NEU3: variants seen among roughly 807,000 people sequenced by gnomAD.
The protein encoded by NEU3 is neuraminidase 3.
A neutral mutation model predicts 11.4 loss-of-function variants in NEU3; 10 were observed. The observed-to-expected ratio is 0.88, with a 90% CI of 0.54 to 1.49. The LOEUF (loss-of-function observed/expected upper bound fraction) is 1.49. Ranked by LOEUF, NEU3 falls within the 40% of genes most tolerant of loss-of-function variation. The probability of loss-of-function intolerance (pLI) is 0.00; values close to 1 mark genes in which losing one functional copy is unlikely to be tolerated. For synonymous variants in NEU3, 212 were observed against 228.2 expected, an observed-to-expected ratio of 0.93 and a Z score of 0.64; for missense variants, 529 against 581.8, an observed-to-expected ratio of 0.91 and a Z score of 0.93.
intron 1 of NEU3, among the ~76,000 whole-genome samples, chr11:74,989,467 G>GGTCTCCT (rs1424026190): frequency 6.6e-6 from 1 of 152,142 alleles, no homozygotes; most frequent in East Asian, 1.9e-4. Context: ...TAGGAGACCT[G>GGTCTCCT]GGTCTTGGTC....
At position 75,005,750 on chromosome 11, in the gene NEU3, A is replaced by G; in HGVS notation, c.644A>G (p.Tyr215Cys). The change falls in exon 3 of 3, where the codon TAC becomes TGC. Residue 215 changes from tyrosine (Y) to cysteine (C), a missense_variant. Transcript: ENST00000294064. ...GRLVIPAYTYYIPSWFFCFQL... is the reference protein window; with the variant it reads ...GRLVIPAYTYCIPSWFFCFQL... ...CTGGTCATCCCTGCGTATACCTACT[A>G]CATCCCTTCCTGGTTCTTTTGCTTC... The G allele has an allele frequency of 6.2e-7, 1 of 1,613,902 alleles. No homozygotes were observed. Among genetic ancestry groups the G allele is most frequent in the Non-Finnish European group, 8.5e-7 (1 of 1,179,798 alleles).
At chr11:74,981,721 G>A in the NEU3 span, among the ~76,000 whole-genome samples, 205 of 152,312 alleles carry the variant, frequency 1.3e-3, 1 homozygote, top group African/African-American at 4.8e-3. Context: ...ATTCACAGAT[G>A]TGAAAATTTT....
upstream of NEU3, among the ~76,000 whole-genome samples, chr11:74,983,727 A>G (rs1195549839): frequency 5.9e-5 from 9 of 152,178 alleles, no homozygotes; most frequent in Admixed American, 1.3e-4. Context: ...GTCAGCCTCA[A>G]TTCATTGGCC....
intron 2 of NEU3, among the ~76,000 whole-genome samples, chr11:74,995,760 T>C (rs1193952213): frequency 1.3e-5 from 2 of 151,362 alleles, no homozygotes; most frequent in East Asian, 3.9e-4. Context: ...TGCTGACTTA[T>C]CAGGGTGGTG....
Position 75,006,783 on chromosome 11 carries a change from G to A in NEU3, c.*291G>A, listed in dbSNP as rs183792751. ...GACCTCAGGTTTCCATCTGTAAAAT[G>A]AGAGTATTGGTTCTAAGATTTCTCA... On this transcript the variant is annotated 3_prime_UTR_variant, in exon 3 of 3. Coordinates refer to ENST00000294064, the MANE Select transcript of NEU3 (RefSeq NM_006656.6). 24 of 329,246 alleles carry A rather than the reference G, an allele frequency of 7.3e-5. No homozygotes were observed. The Admixed American group carries it at 9.1e-4, about 13-fold the overall frequency. 20.4% of individuals were successfully genotyped at this position (329,246 alleles called of 1,614,324 possible).
At chr11:74,989,983 T>C (rs1253604623) in intron 1 of NEU3, 1 of 702,340 alleles carries the variant, frequency 1.4e-6, no homozygotes, top group Non-Finnish European at 2.6e-6. Context: ...GTGTGAAACG[T>C]TTTGGGTGGC....
intron 1 of NEU3, among the ~76,000 whole-genome samples, chr11:74,990,551 G>A (rs963764848): frequency 3.3e-5 from 5 of 152,010 alleles, no homozygotes; most frequent in African/African-American, 1.2e-4. Context: ...GTAGAGATGG[G>A]GTGTCACCAT....
chr11:74,981,667 T>G, the NEU3 span, among the ~76,000 whole-genome samples: 4 of 152,176 alleles, frequency 2.6e-5, no homozygotes, highest in African/African-American at 9.7e-5. Context: ...GCAACATCCA[T>G]GAAAGCATCG....
chr11:74,994,496 T>G lies in NEU3; in HGVS notation c.95-13T>G. The G allele has an allele frequency of 6.3e-7, 1 of 1,590,124 alleles. No homozygotes were observed. The highest frequency in any genetic ancestry group is 8.6e-7 in the Non-Finnish European group (1 of 1,165,464). On this transcript the variant is annotated splice_polypyrimidine_tract_variant and intron_variant, in intron 1 of 2. Transcript: ENST00000294064. Reference sequence around the variant, plus strand: ...GGTATGGACACACATTAAGCTTCCTTCTATCCTTGCAGAGGTCATGGAAGA... The same window carrying G: ...GGTATGGACACACATTAAGCTTCCTGCTATCCTTGCAGAGGTCATGGAAGA...
chr11:74,987,315 G>T (rs529715027), upstream of NEU3, among the ~76,000 whole-genome samples: 1 of 152,180 alleles, frequency 6.6e-6, no homozygotes, highest in South Asian at 2.1e-4. Flanking sequence ...TCTTTTTGAT[G>T]TTCTAATTTT....
At chr11:75,011,615 C>T (rs546438138), downstream of NEU3, among the ~76,000 whole-genome samples, 106 of 152,276 alleles carry the variant, frequency 7.0e-4, 1 homozygote, top group African/African-American at 2.3e-3. Flanking sequence ...GGTTGAGAGG[C>T]GGCAAGAGTC....
At position 75,009,729 on chromosome 11, in the gene NEU3, G is replaced by A. The variant is rs1293231669; in HGVS notation, c.*3237G>A. 2.0e-5 allele frequency: 3 copies of A among 152,244 alleles called. No individual in the cohort carries two copies. The highest frequency in any genetic ancestry group is 7.2e-5 in the African/African-American group (3 of 41,426). The allele number at this position is 152,244 out of a possible 1,614,324, so 9.4% of individuals were successfully genotyped here. A position where few individuals can be genotyped will look rare whatever the true frequency, so the allele number is the denominator to read the frequency against. ...TGAGAGTGCAGGAAGCATGGGTAGG[G>A]GCCTCCTGCTGCTGGTATGTACCCA... On this transcript the variant is annotated 3_prime_UTR_variant, in exon 3 of 3. Transcript: ENST00000294064.
upstream of NEU3, among the ~76,000 whole-genome samples, chr11:74,987,692 A>C (rs975462100): frequency 6.6e-6 from 1 of 152,054 alleles, no homozygotes; most frequent in Non-Finnish European, 1.5e-5. Flanking sequence ...GGGCGCCTGT[A>C]GTCCCAGCTA....
chr11:74,989,926 C>T, intron 1 of NEU3: 1 of 699,376 alleles, frequency 1.4e-6, no homozygotes, highest in Non-Finnish European at 2.6e-6. Flanking sequence ...AACCCCAGAG[C>T]AGGCCCATAT....
the NEU3 span, among the ~76,000 whole-genome samples, chr11:74,981,707 T>TA: frequency 1.3e-5 from 2 of 152,214 alleles, no homozygotes; most frequent in Non-Finnish European, 2.9e-5. Flanking sequence ...ACAAGTAGGA[T>TA]AAAATTCACA....
At chr11:74,982,285 T>C in the NEU3 span, among the ~76,000 whole-genome samples, 2 of 152,196 alleles carry the variant, frequency 1.3e-5, no homozygotes, top group African/African-American at 4.8e-5. Context: ...TGCCTACACA[T>C]GCAGACCCCA....
At chr11:74,986,401 CTTCT>C (rs1484734307), upstream of NEU3, among the ~76,000 whole-genome samples, 5 of 152,104 alleles carry the variant, frequency 3.3e-5, no homozygotes, top group Admixed American at 6.6e-5. Context: ...ATTTACATTC[CTTCT>C]ATTAATGAAG....
At chr11:74,999,484 A>G (rs968034049) in intron 2 of NEU3, among the ~76,000 whole-genome samples, 20 of 152,346 alleles carry the variant, frequency 1.3e-4, no homozygotes, top group Admixed American at 7.8e-4. Flanking sequence ...CAATATAGAA[A>G]TCTGTATTCT....
chr11:75,005,327 A>G (rs1279507894), intron 2 of NEU3, 86 bp from the exon 3 acceptor site: 4 of 1,327,042 alleles, frequency 3.0e-6, no homozygotes, highest in Non-Finnish European at 4.0e-6. Context: ...TTTATTTCTT[A>G]TTTATGAAAA....
Sources: allele counts gnomAD v4.1 joint callset (sites outside exome capture counted in the v4.1 genomes callset), GRCh38; gene constraint gnomAD v4.1.1; transcripts MANE v1.5; gene names NCBI Gene and HGNC (gene_info 2026-07-23, HGNC 2026-07-21).